The following ENPP2 variants were observed in gnomAD, a reference collection of about 807,000 sequenced individuals.
ENPP2 encodes the protein autotaxin.
ENPP2 carries 51 observed loss-of-function variants against 120.2 expected under a neutral mutation model. That is an observed-to-expected ratio of 0.42 (90% CI 0.34 to 0.54). The LOEUF is 0.54. Ranked by LOEUF, ENPP2 falls within the 20% of genes least tolerant of loss-of-function variation. The pLI is 0.04. For missense variants in ENPP2, 920 were observed against 1,066.5 expected, an observed-to-expected ratio of 0.86 and a Z score of 1.91; for synonymous variants, 365 against 366.4, an observed-to-expected ratio of 1.00 and a Z score of 0.04.
intron 5 of ENPP2, chr8:119,618,076 G>A (rs905830090): frequency 1.9e-5 from 5 of 265,756 alleles, no homozygotes; most frequent in South Asian, 4.0e-5. Context: ...CTGAATTCTT[G>A]TGTATGAGAT....
intron 20 of ENPP2, 108 bp downstream of exon 20, chr8:119,570,597 A>G: frequency 1.6e-6 from 1 of 631,728 alleles, no homozygotes; most frequent in Non-Finnish European, 2.6e-6. Flanking sequence ...TGTCATTAAG[A>G]AAAAATAAAA....
intron 20 of ENPP2, among the ~76,000 whole-genome samples, chr8:119,569,931 C>T (rs2130082623): frequency 6.6e-6 from 1 of 152,138 alleles, no homozygotes; most frequent in African/African-American, 2.4e-5. Context: ...ACCTATTTAT[C>T]TCATCTTCAT....
At position 119,669,899 on chromosome 8, in the gene ENPP2, CA is replaced by C. The variant is rs1178291410; in HGVS notation, c.21+3352del. On this transcript the variant is annotated intron_variant, in intron 1 of 25. Coordinates refer to the ENPP2 transcript ENST00000427067. ...TTGCACACATCTCTTTTTAGGAAAT[CA>C]AAACTGCATTTTCTTATCTCTAGCA... Among the ~76,000 whole-genome samples the C allele has an allele frequency of 1.1e-4, 16 of 152,312 alleles. No individual in the cohort carries two copies. In the South Asian group the frequency reaches 2.1e-3, roughly 20 times the overall value.
chr8:119,614,191 G>A (rs545475051), intron 8 of ENPP2, among the ~76,000 whole-genome samples: 10 of 149,432 alleles, frequency 6.7e-5, no homozygotes, highest in Non-Finnish European at 1.2e-4. Flanking sequence ...TCAGCCTCCC[G>A]AGTAGCTAGG....
At chr8:119,595,936 T>C (rs748710988) in intron 11 of ENPP2, 2 of 1,613,946 alleles carry the variant, frequency 1.2e-6, no homozygotes, top group Non-Finnish European at 1.7e-6. Context: ...CTTTCCTGTC[T>C]CCTCTTAGGG....
chr8:119,562,863 G>C lies in ENPP2; in HGVS notation c.2415C>G (p.Ser805Arg), dbSNP rs755505037. The change falls in exon 24 of 25, where the codon AGC (serine) becomes AGG (arginine). Residue 805 changes from serine (S) to arginine (R), a missense_variant. Transcript: ENST00000075322. ...ACTCTCTCTGTAAACTCACATTGCA[G>C]CTCTCCTCGTTGTCAGGCCGGTGAG... The part of the protein sequence containing the change: ...ILPHRPDNEE[S>R]CNSSEDESKW... 1 of 1,613,946 alleles carries C rather than the reference G, an allele frequency of 6.2e-7. No individual in the cohort carries two copies. Among genetic ancestry groups the C allele is most frequent in the East Asian group, 2.2e-5 (1 of 44,882 alleles).
At chr8:119,671,231 G>T (rs1021166943) in intron 1 of ENPP2, among the ~76,000 whole-genome samples, 1 of 152,090 alleles carries the variant, frequency 6.6e-6, no homozygotes, top group African/African-American at 2.4e-5. Flanking sequence ...AACCCGGGAG[G>T]TGGAAGTTGC....
At chr8:119,660,833 AC>A (rs1817899404) in intron 1 of ENPP2, among the ~76,000 whole-genome samples, 1 of 152,206 alleles carries the variant, frequency 6.6e-6, no homozygotes, top group Non-Finnish European at 1.5e-5. Context: ...CTGTATGGAA[AC>A]AAATTGGGTA....
At chr8:119,580,602 A>G (rs552175206) in intron 18 of ENPP2, 12 of 172,036 alleles carry the variant, frequency 7.0e-5, no homozygotes, top group Non-Finnish European at 1.2e-4. Flanking sequence ...CTGAAACAGC[A>G]TGAGTCAGCA....
chr8:119,570,749 T>C lies in ENPP2; in HGVS notation c.1873A>G (p.Ile625Val), dbSNP rs757525190. 6.3e-7 allele frequency: 1 copy of C among 1,594,810 alleles called. No individual in the cohort carries two copies. The highest frequency in any genetic ancestry group is 1.7e-5 in the Admixed American group (1 of 57,832). The change falls in exon 20 of 25, where the codon ATA becomes GTA. Residue 625 changes from isoleucine to valine, a missense_variant. Transcript: ENST00000075322. ...HTDFESGYSE[I>V]FLMPLWTSYT... is the part of the protein sequence containing the mutation. ...GATGTCCAGAGTGGCATTAGGAATA[T>C]TTCACTATAACCACTTTCAAAGTCA...
rs774673202 is a variant in ENPP2 at position 119,582,552 on chromosome 8, T to G, written c.1594A>C (p.Asn532His). 5 of 1,613,818 alleles carry G rather than the reference T, an allele frequency of 3.1e-6. No homozygotes were observed. In the African/African-American group the frequency reaches 6.7e-5, roughly 22 times the overall value. Residue 532 changes from asparagine (N) to histidine (H), a missense_variant, in exon 18 of 25, where the codon AAT (asparagine) becomes CAT (histidine). By Grantham distance (68) the Asn-to-His change is moderately conservative (BLOSUM62 1). Transcript: ENST00000075322. ...AAGGTATTAGTGCGCAGGAGATGATTCAAACTTCCATGGGTCCCATTATTA... is the reference window on the plus strand; with the variant it reads ...AAGGTATTAGTGCGCAGGAGATGATGCAAACTTCCATGGGTCCCATTATTA... ...APNNGTHGSL[N>H]HLLRTNTFRP...
At chr8:119,652,809 T>C (rs1356550669) in intron 1 of ENPP2, among the ~76,000 whole-genome samples, 5 of 152,076 alleles carry the variant, frequency 3.3e-5, no homozygotes, top group African/African-American at 1.2e-4. Context: ...CAAAAATATA[T>C]CAACAGGTTG....
chr8:119,583,940 A>T lies in ENPP2; in HGVS notation c.1455+22T>A, dbSNP rs750323126. 5.7e-6 allele frequency: 9 copies of T among 1,585,660 alleles called. No homozygotes were observed. In the East Asian group the frequency reaches 1.6e-4, roughly 28 times the overall value. Reference sequence around the variant, plus strand: ...GAAGAACCACTAAAACACAATTTCAATTCACAGTTCTGCCATCATACCTGC... The same window carrying T: ...GAAGAACCACTAAAACACAATTTCATTTCACAGTTCTGCCATCATACCTGC... On this transcript the variant is annotated intron_variant, in intron 16 of 24. Coordinates refer to ENST00000075322, the MANE Select transcript of ENPP2 (RefSeq NM_001040092.3).
intron 18 of ENPP2, 176 bp from the exon 19 acceptor site, chr8:119,580,343 C>A (rs758066076): frequency 2.7e-5 from 17 of 638,986 alleles, no homozygotes; most frequent in South Asian, 1.6e-4. Context: ...ACATTCTGGG[C>A]TCCACCTCTA....
intron 1 of ENPP2, among the ~76,000 whole-genome samples, chr8:119,661,453 A>T (rs1360182741): frequency 6.6e-6 from 1 of 152,218 alleles, no homozygotes; most frequent in Non-Finnish European, 1.5e-5. Flanking sequence ...AAGCAAAACC[A>T]CAATGAAATA....
intron 8 of ENPP2, among the ~76,000 whole-genome samples, chr8:119,613,187 C>T (rs541392275): frequency 3.3e-5 from 5 of 152,236 alleles, no homozygotes; most frequent in South Asian, 2.1e-4. Flanking sequence ...CATTAAACTA[C>T]GTATGAGAAA....
At position 119,582,574 on chromosome 8, in the gene ENPP2, A is replaced by C; in HGVS notation, c.1572T>G (p.Asn524Lys). 6.2e-7 allele frequency: 1 copy of C among 1,613,616 alleles called. No individual in the cohort carries two copies. The highest frequency in any genetic ancestry group is 8.5e-7 in the Non-Finnish European group (1 of 1,179,572). Residue 524 changes from asparagine to lysine, a missense_variant, in exon 18 of 25, where the codon AAT (asparagine) becomes AAG (lysine). Physicochemically the swap from Asn to Lys is moderately conservative, Grantham distance 94 (BLOSUM62 0). Transcript: ENST00000075322. ...GATTCAAACTTCCATGGGTCCCATTATTAGGAGCTGGCTTCAATCCCAGGA... is the reference window on the plus strand; with the variant it reads ...GATTCAAACTTCCATGGGTCCCATTCTTAGGAGCTGGCTTCAATCCCAGGA... Reference protein sequence around the residue: ...CDLLGLKPAPNNGTHGSLNHL... With the variant: ...CDLLGLKPAPKNGTHGSLNHL...
At chr8:119,615,827 T>C (rs1815418747) in intron 8 of ENPP2, among the ~76,000 whole-genome samples, 1 of 152,276 alleles carries the variant, frequency 6.6e-6, no homozygotes, top group Admixed American at 6.5e-5. Flanking sequence ...GATCTGACTA[T>C]TTCTTTGTCA....
chr8:119,590,082 G>A (rs1366173805), intron 13 of ENPP2, among the ~76,000 whole-genome samples: 1 of 152,082 alleles, frequency 6.6e-6, no homozygotes, highest in South Asian at 2.1e-4. Context: ...TCCAAATGTG[G>A]TTCTGCCAAC....
Sources: allele counts gnomAD v4.1 joint callset (sites outside exome capture counted in the v4.1 genomes callset), GRCh38; gene constraint gnomAD v4.1.1; transcripts MANE v1.5; gene names NCBI Gene and HGNC (gene_info 2026-07-23, HGNC 2026-07-21).